SHB: variants seen among roughly 807,000 people sequenced by gnomAD.
The protein encoded by SHB is SH2 domain-containing adapter protein B.
A neutral mutation model predicts 52.3 loss-of-function variants in SHB; 20 were observed. That is an observed-to-expected ratio of 0.38 (90% CI 0.27 to 0.56). SHB has a LOEUF of 0.56. Ranked by LOEUF, SHB falls within the 20% of genes least tolerant of loss-of-function variation. The probability of loss-of-function intolerance (pLI) is 0.71; values close to 1 mark genes in which losing one functional copy is unlikely to be tolerated. For synonymous variants in SHB, 397 were observed against 316.5 expected, an observed-to-expected ratio of 1.25 and a Z score of -2.70; for missense variants, 825 against 723.3, an observed-to-expected ratio of 1.14 and a Z score of -1.61.
chr9:38,053,950 C>A (rs2118172535), intron 1 of SHB, among the ~76,000 whole-genome samples: 1 of 152,334 alleles, frequency 6.6e-6, no homozygotes, highest in East Asian at 1.9e-4. Flanking sequence ...ATTCTCACAG[C>A]AACACCTCAA....
intron 5 of SHB, among the ~76,000 whole-genome samples, chr9:37,933,505 TAG>T (rs1228862261): frequency 2.0e-5 from 3 of 152,110 alleles, no homozygotes; most frequent in East Asian, 1.9e-4. Context: ...TTTTAAAAAA[TAG>T]AGTTTATTCA....
chr9:37,933,281 T>G (rs1317793257), intron 5 of SHB, among the ~76,000 whole-genome samples: 1 of 152,244 alleles, frequency 6.6e-6, no homozygotes, highest in Non-Finnish European at 1.5e-5. Context: ...TGAAGTCCAC[T>G]GAAAGCTAAG....
chr9:38,009,511 T>C (rs1253370601), intron 2 of SHB, among the ~76,000 whole-genome samples: 2 of 152,272 alleles, frequency 1.3e-5, no homozygotes, highest in African/African-American at 4.8e-5. Flanking sequence ...AGAAGCAACC[T>C]GCCCAAGGGC....
At chr9:38,023,657 CT>C (rs869242625) in intron 1 of SHB, among the ~76,000 whole-genome samples, 42 of 152,296 alleles carry the variant, frequency 2.8e-4, no homozygotes, top group Non-Finnish European at 4.3e-4. Context: ...TGTGAATGCC[CT>C]TTTTTCCCCC....
chr9:37,929,912 G>T (rs574338998), intron 5 of SHB, among the ~76,000 whole-genome samples: 1 of 152,276 alleles, frequency 6.6e-6, no homozygotes, highest in Non-Finnish European at 1.5e-5. Flanking sequence ...GACCAGCCTG[G>T]GCAACATCGT....
intron 2 of SHB, chr9:38,015,322 C>A: frequency 1.5e-6 from 1 of 669,404 alleles, no homozygotes. Flanking sequence ...CTTAAAGATG[C>A]TCCAAGTCTT....
At chr9:37,955,739 C>T (rs910040677) in intron 4 of SHB, 144 bp downstream of exon 4, 14 of 711,132 alleles carry the variant, frequency 2.0e-5, no homozygotes, top group South Asian at 7.6e-5. Context: ...CCACCCACCT[C>T]GGCCTCCCAA....
At chr9:38,024,670 G>A (rs1821319892) in intron 1 of SHB, among the ~76,000 whole-genome samples, 1 of 152,188 alleles carries the variant, frequency 6.6e-6, no homozygotes, top group African/African-American at 2.4e-5. Context: ...TCAAGTGGTA[G>A]AGACAGGCTT....
chr9:37,975,896 A>C (rs1259061669), intron 2 of SHB, among the ~76,000 whole-genome samples: 1 of 152,176 alleles, frequency 6.6e-6, no homozygotes, highest in African/African-American at 2.4e-5. Context: ...GTCAGCTCTG[A>C]CAAGTGGAAG....
intron 1 of SHB, among the ~76,000 whole-genome samples, chr9:38,055,244 C>G (rs1182749978): frequency 1.3e-5 from 2 of 152,168 alleles, no homozygotes; most frequent in Non-Finnish European, 2.9e-5. Flanking sequence ...GATTTATTCC[C>G]CATGAACACT....
chr9:37,986,305 G>A (rs1820806417), intron 2 of SHB, among the ~76,000 whole-genome samples: 1 of 152,146 alleles, frequency 6.6e-6, no homozygotes, highest in African/African-American at 2.4e-5. Flanking sequence ...GTTTGGGAGA[G>A]AGGAAAGCTG....
At position 38,023,158 on chromosome 9, in the gene SHB, T is replaced by C. The variant is rs1425591662; in HGVS notation, c.718-7027A>G. Among the ~76,000 whole-genome samples, 7 of 152,210 alleles carry C rather than the reference T, an allele frequency of 4.6e-5. No individual in the cohort carries two copies. The East Asian group carries it at 1.3e-3, about 29-fold the overall frequency. On this transcript the variant is annotated intron_variant, in intron 1 of 5. Transcript: ENST00000377707. ...GGGCTGCAGCAGCTGCCCGAGGCTA[T>C]GTAAATATACAGAAAGGCAGCTGGC...
At chr9:37,989,580 T>C (rs1820856665) in intron 2 of SHB, among the ~76,000 whole-genome samples, 1 of 152,176 alleles carries the variant, frequency 6.6e-6, no homozygotes. Context: ...AACCACCTGA[T>C]TGCAGACAGA....
chr9:38,028,442 G>A (rs1369773723), intron 1 of SHB, among the ~76,000 whole-genome samples: 1 of 152,180 alleles, frequency 6.6e-6, no homozygotes, highest in African/African-American at 2.4e-5. Context: ...TGCAGCTGGG[G>A]TGCTGGAAAC....
At chr9:38,033,205 C>A (rs1368234510) in intron 1 of SHB, among the ~76,000 whole-genome samples, 1 of 152,214 alleles carries the variant, frequency 6.6e-6, no homozygotes, top group Admixed American at 6.5e-5. Context: ...ACCCTCAAAG[C>A]AGGTGCTGGC....
intron 1 of SHB, among the ~76,000 whole-genome samples, chr9:38,034,681 C>CAT: frequency 6.6e-6 from 1 of 152,090 alleles, no homozygotes; most frequent in East Asian, 1.9e-4. Flanking sequence ...TCTAGTACTT[C>CAT]ATGTTTTTGG....
At chr9:37,954,498 G>GGT (rs1832605854) in intron 4 of SHB, among the ~76,000 whole-genome samples, 1 of 152,110 alleles carries the variant, frequency 6.6e-6, no homozygotes, top group African/African-American at 2.4e-5. Context: ...GGAGGGGAGA[G>GGT]GGTGGGGTCT....
chr9:37,977,526 T>A (rs993349212), intron 2 of SHB, among the ~76,000 whole-genome samples: 1 of 152,206 alleles, frequency 6.6e-6, no homozygotes, highest in Non-Finnish European at 1.5e-5. Flanking sequence ...ACTCGGATCA[T>A]TTATTAGTTT....
At position 38,068,521 on chromosome 9, in the gene SHB, T is replaced by TG; in HGVS notation, c.124dup (p.Gln42ProfsTer204). The TG allele has an allele frequency of 6.2e-6, 9 of 1,462,098 alleles. No individual in the cohort carries two copies. The highest frequency in any genetic ancestry group is 2.7e-5 in the Admixed American group (1 of 37,366). 90.6% of individuals were successfully genotyped at this position (1,462,098 alleles called of 1,614,324 possible). A position where few individuals can be genotyped will look rare whatever the true frequency, so the allele number is the denominator to read the frequency against. On this transcript the variant is annotated frameshift_variant, in exon 1 of 6. Transcript: ENST00000377707. LOFTEE classifies it high-confidence loss of function. ...GGCGGAGGAGGCCTGCGGCACGGCC[T>TG]GGGGGGGCTGCGAAGGCCGCTCGCC...
Sources: gnomAD v4.1 joint callset for allele counts (sites outside exome capture counted in the v4.1 genomes callset) on GRCh38, gnomAD v4.1.1 for gene constraint, MANE v1.5 for transcripts, NCBI Gene and HGNC (gene_info 2026-07-23, HGNC 2026-07-21) for gene names.